ARHGEF10L: variants seen among roughly 807,000 people sequenced by gnomAD.
ARHGEF10L encodes Rho guanine nucleotide exchange factor 10 like.
In ARHGEF10L, 69 loss-of-function variants were observed where a neutral mutation model predicts 141.2. The ratio of observed to expected loss-of-function variants is 0.49; its 90% CI spans 0.40 to 0.60. The LOEUF (loss-of-function observed/expected upper bound fraction) is 0.60, where lower values mean the gene tolerates loss of function less well. Among genes scored for constraint, ARHGEF10L ranks in the 20% least tolerant of loss-of-function variants. The pLI is 0.00. For synonymous variants in ARHGEF10L, 711 were observed against 718.5 expected, an observed-to-expected ratio of 0.99 and a Z score of 0.17; for missense variants, 1,482 against 1,734.3, an observed-to-expected ratio of 0.85 and a Z score of 2.58.
In ARHGEF10L at chr1:17,632,317, C is replaced by G; in HGVS notation, c.1585-4C>G. 1 of 1,613,876 alleles carries G rather than the reference C, an allele frequency of 6.2e-7. No homozygotes were observed. Among genetic ancestry groups the G allele is most frequent in the South Asian group, 1.1e-5 (1 of 91,074 alleles). ...GATGCTGACCTTCCCTGCCCCTCCT[C>G]CAGCTGTTGACCTCAGGCCAGCGGC... On this transcript the variant is annotated splice_polypyrimidine_tract_variant and splice_region_variant and intron_variant, in intron 15 of 28. Transcript: ENST00000361221.
chr1:17,624,508 G>T lies in ARHGEF10L; in HGVS notation c.1317+5G>T. 1.9e-6 allele frequency: 3 copies of T among 1,611,702 alleles called. No homozygotes were observed. Among genetic ancestry groups the T allele is most frequent in the Non-Finnish European group, 1.7e-6 (2 of 1,177,850 alleles). On this transcript the variant is annotated splice_donor_5th_base_variant and intron_variant, in intron 13 of 28. Coordinates refer to ENST00000361221, the MANE Select transcript of ARHGEF10L (RefSeq NM_018125.4). The stretch of plus-strand genomic sequence containing the variant: ...GCCTTCCTCGAGTTCCTCAAGGTGG[G>T]CCTCCATGGTGGTACCGTGCCTGGT...
intron 4 of ARHGEF10L, among the ~76,000 whole-genome samples, chr1:17,595,304 C>T (rs1450501929): frequency 6.7e-6 from 1 of 149,994 alleles, no homozygotes; most frequent in East Asian, 2.0e-4. Flanking sequence ...TTTGCAACAA[C>T]CCACATGGCT....
At chr1:17,614,018 C>T (rs1221463371) in intron 8 of ARHGEF10L, among the ~76,000 whole-genome samples, 2 of 152,232 alleles carry the variant, frequency 1.3e-5, no homozygotes, top group Admixed American at 6.5e-5. Flanking sequence ...ACATGCCTGA[C>T]CGCCCTGTCC....
intron 25 of ARHGEF10L, 84 bp from the exon 26 acceptor site, chr1:17,664,363 T>G: frequency 1.7e-5 from 24 of 1,453,342 alleles, no homozygotes; most frequent in Non-Finnish European, 2.1e-5. Flanking sequence ...GGGGCCCTGC[T>G]GAGCCCCCTG....
At position 17,697,712 on chromosome 1, in the gene ARHGEF10L, G is replaced by A. The variant is rs1801081; in HGVS notation, c.*332G>A. 1 of 520,458 alleles carries A rather than the reference G, an allele frequency of 1.9e-6. No homozygotes were observed. Among genetic ancestry groups the A allele is most frequent in the Non-Finnish European group, 3.7e-6 (1 of 269,556 alleles). 32.2% of individuals were successfully genotyped at this position (520,458 alleles called of 1,614,324 possible). A position where few individuals can be genotyped will look rare whatever the true frequency, so the allele number is the denominator to read the frequency against. Reference sequence around the variant, plus strand: ...TCCAAGGCAGCCACACGCCCCTCCTGGAAGGGTGTGTGCGTGTGAGTGTGT... The same window carrying A: ...TCCAAGGCAGCCACACGCCCCTCCTAGAAGGGTGTGTGCGTGTGAGTGTGT... On this transcript the variant is annotated 3_prime_UTR_variant, in exon 29 of 29. Transcript: ENST00000361221. The surrounding 1 kb of genome is among the most constrained non-coding windows in gnomAD (Gnocchi z 4.8).
At chr1:17,563,237 CT>C (rs55911525) in intron 1 of ARHGEF10L, among the ~76,000 whole-genome samples, 29,221 of 142,390 alleles carry the variant, frequency 0.21, 2,905 homozygotes, top group African/African-American at 0.26. Context: ...GAGCCCTTTT[CT>C]TTTTTTTTTT....
intron 22 of ARHGEF10L, among the ~76,000 whole-genome samples, chr1:17,653,833 G>A (rs1160175197): frequency 2.0e-5 from 3 of 152,252 alleles, no homozygotes; most frequent in Admixed American, 6.5e-5. Context: ...TGGCATCTGC[G>A]CAATGAGGAG....
At chr1:17,525,422 C>G in the ARHGEF10L span, among the ~76,000 whole-genome samples, 1 of 152,206 alleles carries the variant, frequency 6.6e-6, no homozygotes, top group South Asian at 2.1e-4. Context: ...ATTCTTCACG[C>G]CCTGCATGAC....
At position 17,574,866 on chromosome 1, in the gene ARHGEF10L, T is replaced by C. The variant is rs2078157652; in HGVS notation, c.-43-5687T>C. ...TTCCTGTTCCAGCTCCATTGTGTGG[T>C]TTGCATCCCCTTCTCTTCCTTCCGG... is the stretch of plus-strand genomic sequence containing the variant. On this transcript the variant is annotated intron_variant, in intron 1 of 28. Coordinates refer to ENST00000361221, the MANE Select transcript of ARHGEF10L (RefSeq NM_018125.4). Among the ~76,000 whole-genome samples the C allele has an allele frequency of 2.0e-5, 3 of 152,154 alleles. No individual in the cohort carries two copies. The South Asian group carries it at 6.2e-4, about 32-fold the overall frequency.
intron 9 of ARHGEF10L, 120 bp downstream of exon 9, chr1:17,616,322 C>A: frequency 1.2e-6 from 1 of 823,038 alleles, no homozygotes; most frequent in Non-Finnish European, 2.0e-6. Context: ...GCGTATGGTT[C>A]CTCTGGTGGT....
intron 22 of ARHGEF10L, among the ~76,000 whole-genome samples, chr1:17,649,939 G>GT (rs2061819366): frequency 6.6e-6 from 1 of 152,214 alleles, no homozygotes; most frequent in Non-Finnish European, 1.5e-5. Flanking sequence ...AGGTTCGCTG[G>GT]TGGGTGAGCT....
intron 16 of ARHGEF10L, 80 bp downstream of exon 16, chr1:17,632,546 C>T (rs538973431): frequency 4.9e-5 from 78 of 1,577,726 alleles, no homozygotes; most frequent in Non-Finnish European, 6.0e-5. Flanking sequence ...CTTGGCCGGC[C>T]GCACTACAGT....
intron 25 of ARHGEF10L, among the ~76,000 whole-genome samples, chr1:17,658,015 T>C (rs1418107232): frequency 6.6e-6 from 1 of 152,206 alleles, no homozygotes; most frequent in African/African-American, 2.4e-5. Flanking sequence ...CTGGGGTCCG[T>C]GTTTGGATGG....
chr1:17,543,810 G>A (rs1284459700), intron 1 of ARHGEF10L, among the ~76,000 whole-genome samples: 2 of 151,464 alleles, frequency 1.3e-5, no homozygotes, highest in Non-Finnish European at 1.5e-5. Context: ...ACCACGCCCA[G>A]CTAATTTTTG....
chr1:17,586,445 A>G (rs1268260136), intron 2 of ARHGEF10L, among the ~76,000 whole-genome samples: 2 of 152,150 alleles, frequency 1.3e-5, no homozygotes, highest in Non-Finnish European at 2.9e-5. Context: ...TTGGTTTTGC[A>G]ATGGTTTGCA....
chr1:17,632,198 C>T (rs1571098495), intron 15 of ARHGEF10L, 123 bp from the exon 16 acceptor site: 4 of 1,267,204 alleles, frequency 3.2e-6, no homozygotes, highest in Middle Eastern at 2.8e-4. Flanking sequence ...GGAGTGGCTT[C>T]ATCTCCTCCA....
In ARHGEF10L at chr1:17,573,091, C is replaced by T. The variant is rs904873835; in HGVS notation, c.-43-7462C>T. ...CTGTACACCTGCTGGGTTGCAGGGA[C>T]GCACATGGACCTCCCTTTCCCTGCC... On this transcript the variant is annotated intron_variant, in intron 1 of 28. Coordinates refer to ENST00000361221, the MANE Select transcript of ARHGEF10L (RefSeq NM_018125.4). The surrounding 1 kb of genome is among the most constrained non-coding windows in gnomAD (Gnocchi z 4.8). Among the ~76,000 whole-genome samples, 21 of 152,134 alleles carry T rather than the reference C, an allele frequency of 1.4e-4. No homozygotes were observed. Among genetic ancestry groups the T allele is most frequent in the African/African-American group, 3.4e-4 (14 of 41,406 alleles).
At chr1:17,595,035 C>A (rs1208991358) in intron 4 of ARHGEF10L, among the ~76,000 whole-genome samples, 2 of 151,960 alleles carry the variant, frequency 1.3e-5, no homozygotes, top group Non-Finnish European at 2.9e-5. Context: ...CCTCTCTCTT[C>A]CTTTTTAAAA....
chr1:17,529,823 TC>T, the ARHGEF10L span, among the ~76,000 whole-genome samples: 250 of 123,786 alleles, frequency 2.0e-3, no homozygotes, highest in African/African-American at 5.7e-3. Flanking sequence ...AACACATCAG[TC>T]TTTTTTTTTT....
Sources: gnomAD v4.1 joint callset for allele counts (sites outside exome capture counted in the v4.1 genomes callset) on GRCh38, gnomAD v4.1.1 for gene constraint, Gnocchi (gnomAD v3.1) non-coding constraint, MANE v1.5 for transcripts, NCBI Gene and HGNC (gene_info 2026-07-23, HGNC 2026-07-21) for gene names.